PCDH7: variants seen among roughly 807,000 people sequenced by gnomAD.
PCDH7 encodes protocadherin 7, also known as protocadherin-7.
Under a neutral mutation model 58.9 loss-of-function variants are expected in PCDH7, and 17 were observed. The ratio of observed to expected loss-of-function variants is 0.29; its 90% confidence interval spans 0.20 to 0.43. The LOEUF (loss-of-function observed/expected upper bound fraction) is 0.43, where lower values mean the gene tolerates loss of function less well. Among genes scored for constraint, PCDH7 ranks in the 20% least tolerant of loss-of-function variants. The pLI, the probability that PCDH7 is intolerant of heterozygous loss-of-function variation, is 1.00. For synonymous variants in PCDH7, 664 were observed against 616.4 expected, an observed-to-expected ratio of 1.08 and a Z score of -1.14; for missense variants, 1,274 against 1,441.0, an observed-to-expected ratio of 0.88 and a Z score of 1.88.
intron 1 of PCDH7, among the ~76,000 whole-genome samples, chr4:30,901,319 A>G (rs183219752): frequency 6.6e-6 from 1 of 152,294 alleles, no homozygotes; most frequent in Admixed American, 6.5e-5. Flanking sequence ...ATAAGTATAT[A>G]TACCAATCCT....
intron 1 of PCDH7, among the ~76,000 whole-genome samples, chr4:30,784,316 G>A (rs1577789995): frequency 6.6e-6 from 1 of 152,274 alleles, no homozygotes; most frequent in East Asian, 1.9e-4. Context: ...TTAATGGTGA[G>A]AAAAGTACCT....
At chr4:30,858,344 C>G (rs570144135) in intron 1 of PCDH7, among the ~76,000 whole-genome samples, 1 of 152,112 alleles carries the variant, frequency 6.6e-6, no homozygotes, top group Admixed American at 6.5e-5. Flanking sequence ...TCCATCCTTA[C>G]GGATTTGTGA....
chr4:31,125,041 T>C (rs1718134909), intron 3 of PCDH7, among the ~76,000 whole-genome samples: 1 of 152,148 alleles, frequency 6.6e-6, no homozygotes, highest in Admixed American at 6.5e-5. Context: ...CCATGTAGGA[T>C]CTAAAATAGA....
chr4:30,933,904 C>T (rs370298432), intron 2 of PCDH7, among the ~76,000 whole-genome samples: 16 of 152,198 alleles, frequency 1.1e-4, no homozygotes, highest in East Asian at 5.8e-4. Context: ...CCAGTCCTTA[C>T]GATTTCCCTT....
chr4:30,741,923 G>A (rs914925082), intron 1 of PCDH7, among the ~76,000 whole-genome samples: 6 of 152,338 alleles, frequency 3.9e-5, no homozygotes, highest in African/African-American at 7.2e-5. Flanking sequence ...AGGATGCAGC[G>A]TGTTTTGCAT....
chr4:30,773,704 G>C (rs924645539), intron 1 of PCDH7, among the ~76,000 whole-genome samples: 1 of 152,088 alleles, frequency 6.6e-6, no homozygotes. Flanking sequence ...GAGGGTTGCT[G>C]TCTCTCCAGC....
chr4:30,920,406 C>A, intron 2 of PCDH7, 37 bp downstream of exon 2: 1 of 1,323,476 alleles, frequency 7.6e-7, no homozygotes, highest in Non-Finnish European at 1.0e-6. Context: ...CATAATCACG[C>A]TAGTGAGCCG....
chr4:30,781,068 T>C (rs1016918103), intron 1 of PCDH7, among the ~76,000 whole-genome samples: 2 of 152,126 alleles, frequency 1.3e-5, no homozygotes, highest in African/African-American at 4.8e-5. Context: ...GGACTGTGTT[T>C]TATGGTGCTT....
At chr4:30,820,346 T>G (rs901721361) in intron 1 of PCDH7, among the ~76,000 whole-genome samples, 1 of 152,156 alleles carries the variant, frequency 6.6e-6, no homozygotes, top group Admixed American at 6.5e-5. Flanking sequence ...AAAATAGTTC[T>G]TTTTGTAACT....
chr4:31,061,548 A>T, intron 3 of PCDH7, among the ~76,000 whole-genome samples: 1 of 88,626 alleles, frequency 1.1e-5, no homozygotes, highest in African/African-American at 4.3e-5. Context: ...GACTTGGAGA[A>T]AAAAAAAGAG....
Position 30,998,812 on chromosome 4 carries a change from C to T in PCDH7, c.*7+48597C>T, listed in dbSNP as rs150205340. Among the ~76,000 whole-genome samples, 236 of 152,100 alleles carry T rather than the reference C, an allele frequency of 1.6e-3. 2 individuals carry two copies. In the South Asian group the frequency reaches 0.023, roughly 15 times the overall value. ...TAGAAAGTGGAGAGGGACGTCATTA[C>T]ATGAGATAAGATATATGAAAGAAGA... On this transcript the variant is annotated intron_variant, in intron 3 of 3. Coordinates refer to the PCDH7 transcript ENST00000509759.
chr4:30,813,125 A>G (rs927476323), intron 1 of PCDH7, among the ~76,000 whole-genome samples: 1 of 152,160 alleles, frequency 6.6e-6, no homozygotes, highest in Admixed American at 6.5e-5. Context: ...CATATTGGGA[A>G]TCTTCAGAAC....
At chr4:31,020,608 GA>G (rs1332713991) in intron 3 of PCDH7, among the ~76,000 whole-genome samples, 3 of 151,792 alleles carry the variant, frequency 2.0e-5, no homozygotes, top group African/African-American at 7.3e-5. Context: ...TAAAAAGCAA[GA>G]AAAAAAAGTA....
downstream of PCDH7, among the ~76,000 whole-genome samples, chr4:30,736,735 A>G (rs1306521349): frequency 1.3e-5 from 2 of 151,606 alleles, no homozygotes; most frequent in Non-Finnish European, 2.9e-5. Flanking sequence ...ACGGGGTATC[A>G]CCGTGTCAGC....
intron 2 of PCDH7, among the ~76,000 whole-genome samples, chr4:30,929,823 T>G (rs746252624): frequency 2.0e-5 from 3 of 152,148 alleles, no homozygotes; most frequent in Non-Finnish European, 1.5e-5. Flanking sequence ...CAGTGCCCAA[T>G]GCTGAATTGT....
downstream of PCDH7, among the ~76,000 whole-genome samples, chr4:30,733,200 T>C (rs940772080): frequency 5.9e-5 from 9 of 152,320 alleles, no homozygotes; most frequent in Middle Eastern, 3.4e-3. Context: ...CCCTGTATAG[T>C]TTAGCATGTG....
intron 3 of PCDH7, chr4:30,987,518 T>G (rs1037615781): frequency 1.3e-5 from 2 of 152,046 alleles, no homozygotes; most frequent in Non-Finnish European, 2.9e-5. Context: ...TACATAATTT[T>G]AAATCATGAA....
At position 31,074,784 on chromosome 4, in the gene PCDH7, C is replaced by CAAAAAAAAAAAAAAAAAAAAAAAAAAAA. The variant is rs1157267696; in HGVS notation, c.*8-67666_*8-67665insAAAAAAAAAAAAAAAAAAAAAAAAAAAA. Among the ~76,000 whole-genome samples the CAAAAAAAAAAAAAAAAAAAAAAAAAAAA allele has an allele frequency of 9.5e-5, 5 of 52,470 alleles. 1 individual carries two copies. Among genetic ancestry groups the CAAAAAAAAAAAAAAAAAAAAAAAAAAAA allele is most frequent in the African/African-American group, 8.8e-5 (1 of 11,338 alleles). The allele number at this position is 52,470 out of a possible 152,430, so 34.4% of individuals were successfully genotyped here. On this transcript the variant is annotated intron_variant, in intron 3 of 3. Transcript: ENST00000509759. ...TGGGCTACAGAGGGAGATTCCGTCT[C>CAAAAAAAAAAAAAAAAAAAAAAAAAAAA]AAAAAAAAAAAAAAAAAAAAAAAGC... is the stretch of plus-strand genomic sequence containing the variant.
chr4:30,744,497 C>T (rs746395892), intron 1 of PCDH7, among the ~76,000 whole-genome samples: 3 of 152,178 alleles, frequency 2.0e-5, no homozygotes, highest in Non-Finnish European at 4.4e-5. Flanking sequence ...TGTTCCATTA[C>T]ACTAGTAGTA....
Sources: allele counts gnomAD v4.1 joint callset (sites outside exome capture counted in the v4.1 genomes callset), GRCh38; gene constraint gnomAD v4.1.1; transcripts MANE v1.5; gene names NCBI Gene and HGNC (gene_info 2026-07-23, HGNC 2026-07-21).